BTBD9: variants seen among roughly 807,000 people sequenced by gnomAD.
The protein encoded by BTBD9 is BTB/POZ domain-containing protein 9.
A neutral mutation model predicts 64.3 loss-of-function variants in BTBD9; 49 were observed. That is an observed-to-expected ratio of 0.76 (90% CI 0.61 to 0.97). The LOEUF (loss-of-function observed/expected upper bound fraction) is 0.97. Among genes scored for constraint, BTBD9 ranks in the 50% least tolerant of loss-of-function variants. The pLI, the probability that BTBD9 is intolerant of heterozygous loss-of-function variation, is 0.00. For synonymous variants in BTBD9, 260 were observed against 274.7 expected (o/e 0.95, Z 0.53); for missense variants, 598 against 762.1 (o/e 0.78, Z 2.53).
intron 9 of BTBD9, among the ~76,000 whole-genome samples, chr6:38,224,808 C>G (rs1465486982): frequency 1.3e-5 from 2 of 152,176 alleles, no homozygotes; most frequent in Admixed American, 6.5e-5. Context: ...CAACGCTTAA[C>G]GTGGAGCTTG....
intron 7 of BTBD9, among the ~76,000 whole-genome samples, chr6:38,314,657 C>T (rs547886585): frequency 4.6e-5 from 7 of 152,066 alleles, no homozygotes; most frequent in Admixed American, 2.6e-4. Context: ...GCTTCAATCT[C>T]GTTACTTGTT....
chr6:38,191,335 A>G (rs1762063462), intron 10 of BTBD9, among the ~76,000 whole-genome samples: 4 of 152,344 alleles, frequency 2.6e-5, no homozygotes, highest in African/African-American at 7.2e-5. Context: ...TTCTGGGGAA[A>G]TTTTAATTCC....
At chr6:38,334,200 A>C (rs146884674) in intron 7 of BTBD9, among the ~76,000 whole-genome samples, 229 of 152,306 alleles carry the variant, frequency 1.5e-3, no homozygotes, top group African/African-American at 4.9e-3. Flanking sequence ...TGCATTCAAG[A>C]TATGTCCTGG....
At chr6:38,616,770 C>A (rs1430352714) in intron 1 of BTBD9, among the ~76,000 whole-genome samples, 1 of 152,138 alleles carries the variant, frequency 6.6e-6, no homozygotes, top group African/African-American at 2.4e-5. Flanking sequence ...AGCAGCAACC[C>A]GCTCAGGTCC....
chr6:38,392,167 T>C (rs1018603124), intron 6 of BTBD9, among the ~76,000 whole-genome samples: 1 of 151,916 alleles, frequency 6.6e-6, no homozygotes, highest in African/African-American at 2.4e-5. Flanking sequence ...GTCTAGATTC[T>C]ATGGCACAGA....
chr6:38,473,986 T>C (rs1770766762), intron 6 of BTBD9, among the ~76,000 whole-genome samples: 1 of 151,984 alleles, frequency 6.6e-6, no homozygotes, highest in Admixed American at 6.6e-5. Context: ...CTTGGCACAT[T>C]TTAGGAAAAT....
chr6:38,508,211 T>C (rs183461067), intron 6 of BTBD9, among the ~76,000 whole-genome samples: 8 of 152,274 alleles, frequency 5.3e-5, no homozygotes, highest in African/African-American at 7.2e-5. Flanking sequence ...ACAACTCTAT[T>C]TAGATGTCTT....
intron 9 of BTBD9, among the ~76,000 whole-genome samples, chr6:38,228,967 G>A (rs1398017615): frequency 6.6e-6 from 1 of 152,188 alleles, no homozygotes; most frequent in African/African-American, 2.4e-5. Flanking sequence ...GGGAGGCTGA[G>A]GTGGGCGGAT....
intron 6 of BTBD9, among the ~76,000 whole-genome samples, chr6:38,375,907 G>A (rs1765663353): frequency 8.7e-6 from 1 of 115,432 alleles, no homozygotes. Context: ...AAGAAAGAAA[G>A]AAAGAAAGAA....
intron 7 of BTBD9, among the ~76,000 whole-genome samples, chr6:38,297,421 C>T (rs1208616202): frequency 6.6e-6 from 1 of 152,160 alleles, no homozygotes; most frequent in African/African-American, 2.4e-5. Flanking sequence ...GTTTTTCCTA[C>T]AATTCTGTTG....
At chr6:38,545,867 C>T (rs867371576) in intron 6 of BTBD9, among the ~76,000 whole-genome samples, 17 of 107,474 alleles carry the variant, frequency 1.6e-4, no homozygotes, top group Non-Finnish European at 2.8e-4. Flanking sequence ...CACACACACA[C>T]ACACACACAC....
intron 1 of BTBD9, among the ~76,000 whole-genome samples, chr6:38,634,975 T>A (rs1466094505): frequency 6.6e-6 from 1 of 152,184 alleles, no homozygotes; most frequent in Non-Finnish European, 1.5e-5. Flanking sequence ...TTGTTAGTGC[T>A]GGTTCCTTTT....
At chr6:38,364,218 G>A (rs760349732) in intron 6 of BTBD9, among the ~76,000 whole-genome samples, 13 of 152,064 alleles carry the variant, frequency 8.5e-5, no homozygotes, top group African/African-American at 1.4e-4. Context: ...AGGAATGAGC[G>A]TCAACTGTCC....
At chr6:38,403,534 T>C (rs1019318647) in intron 6 of BTBD9, among the ~76,000 whole-genome samples, 1 of 152,192 alleles carries the variant, frequency 6.6e-6, no homozygotes, top group Non-Finnish European at 1.5e-5. Context: ...ACAACTGATA[T>C]ACCCACAAGG....
intron 10 of BTBD9, among the ~76,000 whole-genome samples, chr6:38,178,002 G>A (rs1445370901): frequency 2.0e-5 from 3 of 152,204 alleles, no homozygotes; most frequent in East Asian, 1.9e-4. Flanking sequence ...GCCCTAGGCC[G>A]TAACTGCCTG....
At chr6:38,515,495 C>T (rs191289926) in intron 6 of BTBD9, among the ~76,000 whole-genome samples, 10 of 152,282 alleles carry the variant, frequency 6.6e-5, no homozygotes, top group Admixed American at 5.2e-4. Flanking sequence ...CTCAAAAACT[C>T]CTCAAATCAC....
chr6:38,443,001 A>AT (rs200367792), intron 6 of BTBD9, among the ~76,000 whole-genome samples: 1 of 152,060 alleles, frequency 6.6e-6, no homozygotes, highest in African/African-American at 2.4e-5. Flanking sequence ...AGGATCAAGG[A>AT]TTTTTTAAAA....
intron 6 of BTBD9, among the ~76,000 whole-genome samples, chr6:38,352,198 G>A (rs1764545662): frequency 6.6e-6 from 1 of 151,822 alleles, no homozygotes; most frequent in African/African-American, 2.4e-5. Context: ...GCAACAGAGG[G>A]GAACCCTGTT....
chr6:38,426,682 G>A (rs1768172620), intron 6 of BTBD9, among the ~76,000 whole-genome samples: 1 of 151,914 alleles, frequency 6.6e-6, no homozygotes, highest in Non-Finnish European at 1.5e-5. Flanking sequence ...CTAAGTGCCT[G>A]GGTTCGTCCT....
Sources: allele counts gnomAD v4.1 joint callset (sites outside exome capture counted in the v4.1 genomes callset), GRCh38; gene constraint gnomAD v4.1.1; transcripts MANE v1.5; gene names NCBI Gene and HGNC (gene_info 2026-07-23, HGNC 2026-07-21).